Variants in GGNBP2 observed in about 807,000 individuals in gnomAD.
GGNBP2 encodes gametogenetin binding protein 2.
A neutral mutation model predicts 85.9 loss-of-function variants in GGNBP2; 10 were observed. The ratio of observed to expected loss-of-function variants is 0.12; its 90% CI spans 0.07 to 0.20. The LOEUF (loss-of-function observed/expected upper bound fraction) is 0.20, where lower values mean the gene tolerates loss of function less well. Among genes scored for constraint, GGNBP2 ranks in the 10% least tolerant of loss-of-function variants. The probability of loss-of-function intolerance (pLI) is 1.00; values close to 1 mark genes in which losing one functional copy is unlikely to be tolerated. For synonymous variants in GGNBP2, 287 were observed against 285.7 expected (o/e 1.00, Z -0.05); for missense variants, 595 against 857.8 (o/e 0.69, Z 3.83).
At chr17:36,585,662 A>C in intron 10 of GGNBP2, 178 bp from the exon 11 acceptor site, 1 of 635,092 alleles carries the variant, frequency 1.6e-6, no homozygotes, top group Non-Finnish European at 2.6e-6. Context: ...TAAATTCCTA[A>C]TCATATTTTC....
chr17:36,579,916 A>C (rs1391455109), intron 8 of GGNBP2, among the ~76,000 whole-genome samples: 1 of 152,082 alleles, frequency 6.6e-6, no homozygotes, highest in Non-Finnish European at 1.5e-5. Context: ...AGGCTGAGAC[A>C]GGAGAGTTGC....
intron 13 of GGNBP2, among the ~76,000 whole-genome samples, chr17:36,588,335 G>A (rs775592307): frequency 7.2e-5 from 11 of 151,822 alleles, no homozygotes; most frequent in Non-Finnish European, 1.5e-4. Flanking sequence ...TCGGCTAATC[G>A]CAACCTCCGC....
At position 36,551,293 on chromosome 17, in the gene GGNBP2, G is replaced by A. The variant is rs189324579; in HGVS notation, c.94-3527G>A. Among the ~76,000 whole-genome samples the A allele has an allele frequency of 1.2e-4, 18 of 151,028 alleles. No individual in the cohort carries two copies. In the East Asian group the frequency reaches 3.2e-3, roughly 26 times the overall value. On this transcript the variant is annotated intron_variant, in intron 2 of 13. Coordinates refer to ENST00000613102, the MANE Select transcript of GGNBP2 (RefSeq NM_024835.5). ...ACGATCTTGGCTCACCACAACCTCCGCCTTCTGGGTTCAAGTGATTCTCCT... is the reference window on the plus strand; with the variant it reads ...ACGATCTTGGCTCACCACAACCTCCACCTTCTGGGTTCAAGTGATTCTCCT...
intron 6 of GGNBP2, among the ~76,000 whole-genome samples, chr17:36,569,276 G>GTGGCACGCACGTGTAGTCCCAGC (rs2074499250): frequency 6.6e-6 from 1 of 152,138 alleles, no homozygotes; most frequent in South Asian, 2.1e-4. Context: ...GCCAGGCATG[G>GTGGCACGCACGTGTAGTCCCAGC]TGGCACGCAC....
intron 9 of GGNBP2, among the ~76,000 whole-genome samples, chr17:36,584,653 A>G (rs2074682811): frequency 6.6e-6 from 1 of 152,188 alleles, no homozygotes; most frequent in Non-Finnish European, 1.5e-5. Context: ...TAGACTGTCA[A>G]AAAGATTTCT....
chr17:36,564,025 G>A (rs1048102503), intron 5 of GGNBP2, among the ~76,000 whole-genome samples: 9 of 152,206 alleles, frequency 5.9e-5, no homozygotes, highest in East Asian at 3.8e-4. Context: ...ATTAACAGGC[G>A]TGAGCCACGG....
At chr17:36,548,095 T>G (rs969755814) in intron 2 of GGNBP2, among the ~76,000 whole-genome samples, 7 of 152,230 alleles carry the variant, frequency 4.6e-5, no homozygotes, top group African/African-American at 1.7e-4. Context: ...GGTTTTGTCT[T>G]TGTCCCTAGG....
rs1202499068 is a variant in GGNBP2 at position 36,578,181 on chromosome 17, A to T, written c.840A>T (p.Ala280=). The part of the protein sequence containing the change: ...HLLGRAEPEF[A]GGRRERHAKT... ...TGGGTCGTGCTGAGCCAGAGTTCGC[A>T]GGAGGGTATGAGTATGTAATTTGCT... Residue 280 remains alanine (A), a synonymous_variant, in exon 7 of 14, where the codon GCA becomes GCT. Coordinates refer to ENST00000613102, the MANE Select transcript of GGNBP2 (RefSeq NM_024835.5). 1 of 1,608,216 alleles carries T rather than the reference A, an allele frequency of 6.2e-7. No homozygotes were observed. Among genetic ancestry groups the T allele is most frequent in the Non-Finnish European group, 8.5e-7 (1 of 1,175,162 alleles).
In GGNBP2 at chr17:36,585,372, G is replaced by A. The variant is rs765510737; in HGVS notation, c.1288G>A (p.Val430Ile). The change falls in exon 10 of 14, where the codon GTA becomes ATA. Residue 430 changes from valine to isoleucine, a missense_variant. By Grantham distance (29) the Val-to-Ile change is conservative. This residue lies in a region of GGNBP2 where 85 missense variants were observed against 92.6 expected (regional missense o/e 0.92). Coordinates refer to ENST00000613102, the MANE Select transcript of GGNBP2 (RefSeq NM_024835.5). The stretch of plus-strand genomic sequence containing the variant: ...TGAAGATGGTAATACTTGTGTAGAA[G>A]TAATTGTTACCAATGAAAATACATC... Reference protein sequence around the residue: ...STEDGNTCVEVIVTNENTSCT... With the variant: ...STEDGNTCVEIIVTNENTSCT... The A allele has an allele frequency of 1.2e-6, 2 of 1,612,256 alleles. No individual in the cohort carries two copies. Among genetic ancestry groups the A allele is most frequent in the African/African-American group, 2.7e-5 (2 of 74,892 alleles).
chr17:36,567,241 G>C (rs914831716), intron 5 of GGNBP2, among the ~76,000 whole-genome samples: 3 of 152,046 alleles, frequency 2.0e-5, no homozygotes, highest in African/African-American at 7.2e-5. Flanking sequence ...AGATAAACTT[G>C]ATAGTCAAGC....
chr17:36,579,490 C>A, intron 8 of GGNBP2, 71 bp downstream of exon 8: 1 of 1,296,278 alleles, frequency 7.7e-7, no homozygotes, highest in Non-Finnish European at 1.1e-6. Flanking sequence ...TTAATGTAAG[C>A]CACCAGTGCC....
chr17:36,545,531 C>T (rs1007570313), intron 1 of GGNBP2, 88 bp from the exon 2 acceptor site: 4 of 522,628 alleles, frequency 7.7e-6, no homozygotes, highest in African/African-American at 6.0e-5. Flanking sequence ...CCGGCTCTCC[C>T]GTACCCTCCC....
Position 36,557,125 on chromosome 17 carries a change from G to A in GGNBP2, c.217G>A (p.Val73Met). Residue 73 changes from valine to methionine, a missense_variant, in exon 4 of 14, where the codon GTG (valine) becomes ATG (methionine). Transcript: ENST00000613102. Reference sequence around the variant, plus strand: ...GCAACAGGATCTAAGTATTGCCATGGTGGTGACATCACGCGAAGTCCTGAG... The same window carrying A: ...GCAACAGGATCTAAGTATTGCCATGATGGTGACATCACGCGAAGTCCTGAG... ...LKQQDLSIAM[V>M]VTSREVLSAL... 6.2e-7 allele frequency: 1 copy of A among 1,614,078 alleles called. No individual in the cohort carries two copies.
At chr17:36,575,478 G>GTTTT (rs932495465) in intron 6 of GGNBP2, among the ~76,000 whole-genome samples, 6 of 151,608 alleles carry the variant, frequency 4.0e-5, no homozygotes, top group African/African-American at 1.5e-4. Flanking sequence ...TTAACATTTA[G>GTTTT]TTTTTAATCC....
chr17:36,550,794 C>T (rs1250718088), intron 2 of GGNBP2, among the ~76,000 whole-genome samples: 2 of 152,208 alleles, frequency 1.3e-5, no homozygotes, highest in African/African-American at 4.8e-5. Flanking sequence ...TATAAAACCA[C>T]ACCTGAAATA....
chr17:36,587,431 G>A lies in GGNBP2; in HGVS notation c.1890+186G>A. The A allele has an allele frequency of 7.7e-6, 5 of 652,726 alleles. No homozygotes were observed. The South Asian group carries it at 9.2e-5, about 12-fold the overall frequency. The allele number at this position is 652,726 out of a possible 1,614,324, so 40.4% of individuals were successfully genotyped here. ...CACTCGTGGTTTATGCAACTACTCT[G>A]GAACACGTTTCCATGGCCGCCTCTG... On this transcript the variant is annotated intron_variant, in intron 13 of 13. Transcript: ENST00000613102.
chr17:36,557,643 A>C (rs2074375745), intron 4 of GGNBP2, among the ~76,000 whole-genome samples: 1 of 152,190 alleles, frequency 6.6e-6, no homozygotes, highest in Non-Finnish European at 1.5e-5. Context: ...CATTGAATAT[A>C]GATTTGAATG....
At chr17:36,575,159 A>G (rs1327082700) in intron 6 of GGNBP2, 18 of 671,746 alleles carry the variant, frequency 2.7e-5, no homozygotes, top group Non-Finnish European at 4.6e-5. Context: ...GGTGATAGGC[A>G]TCCACTCTTT....
At chr17:36,564,268 TTGA>T (rs1346353359) in intron 5 of GGNBP2, among the ~76,000 whole-genome samples, 1 of 152,194 alleles carries the variant, frequency 6.6e-6, no homozygotes, top group African/African-American at 2.4e-5. Context: ...ATATTCTTTG[TTGA>T]TGAACTGAGA....
Sources: allele counts gnomAD v4.1 joint callset (sites outside exome capture counted in the v4.1 genomes callset), GRCh38; gene constraint gnomAD v4.1.1; regional missense constraint gnomAD v4.1.1; transcripts MANE v1.5; gene names NCBI Gene and HGNC (gene_info 2026-07-23, HGNC 2026-07-21).